FMN1: variants seen among roughly 807,000 people sequenced by gnomAD.
The protein encoded by FMN1 is formin 1.
Under a neutral mutation model 132.4 loss-of-function variants are expected in FMN1, and 110 were observed. That is an observed-to-expected ratio of 0.83 (90% CI 0.71 to 0.97). The LOEUF is 0.97. Ranked by LOEUF, FMN1 falls within the 50% of genes least tolerant of loss-of-function variation. The pLI, the probability that FMN1 is intolerant of heterozygous loss-of-function variation, is 0.00. For missense variants in FMN1, 1,792 were observed against 1,705.3 expected, an observed-to-expected ratio of 1.05 and a Z score of -0.90; for synonymous variants, 722 against 651.7, an observed-to-expected ratio of 1.11 and a Z score of -1.64.
chr15:33,128,151 A>C (rs1963291154), intron 4 of FMN1, among the ~76,000 whole-genome samples: 1 of 149,950 alleles, frequency 6.7e-6, no homozygotes, highest in Non-Finnish European at 1.5e-5. Context: ...AGAGTGTAAC[A>C]GAAGTAGGAT....
intron 16 of FMN1, among the ~76,000 whole-genome samples, chr15:32,878,140 G>C (rs969843409): frequency 6.6e-6 from 1 of 152,182 alleles, no homozygotes; most frequent in Non-Finnish European, 1.5e-5. Context: ...GGCCTATCTG[G>C]CAGAAGGGCT....
chr15:33,159,996 T>C (rs1964824502), intron 3 of FMN1, among the ~76,000 whole-genome samples: 1 of 151,746 alleles, frequency 6.6e-6, no homozygotes, highest in Non-Finnish European at 1.5e-5. Context: ...AGCCAAAGAG[T>C]TGGAGGGTTA....
chr15:32,805,120 C>T (rs1169693887), intron 17 of FMN1, among the ~76,000 whole-genome samples: 1 of 152,044 alleles, frequency 6.6e-6, no homozygotes, highest in Non-Finnish European at 1.5e-5. Flanking sequence ...AATTTACACT[C>T]CCAACAGTGT....
At chr15:32,827,374 G>A (rs1596023273) in intron 17 of FMN1, among the ~76,000 whole-genome samples, 1 of 152,016 alleles carries the variant, frequency 6.6e-6, no homozygotes, top group African/African-American at 2.4e-5. Flanking sequence ...TTTCACAAAT[G>A]GATTATTACC....
In FMN1 at chr15:33,106,914, A is replaced by G. The variant is rs193063103; in HGVS notation, c.1868-17940T>C. 2.2e-4 allele frequency among the ~76,000 whole-genome samples: 34 copies of G among 152,162 alleles called. No homozygotes were observed. In the East Asian group the frequency reaches 5.0e-3, roughly 22 times the overall value. On this transcript the variant is annotated intron_variant, in intron 4 of 20. Transcript: ENST00000616417. ...ATTCACTCCATCTGTCATCTCATTCAGTCTCAGTTTTAAATATCATCTCAG... is the reference window on the plus strand; with the variant it reads ...ATTCACTCCATCTGTCATCTCATTCGGTCTCAGTTTTAAATATCATCTCAG...
chr15:32,901,993 T>C lies in FMN1; in HGVS notation c.3425A>G (p.Gln1142Arg). 2 of 1,613,392 alleles carry C rather than the reference T, an allele frequency of 1.2e-6. No individual in the cohort carries two copies. Among genetic ancestry groups the C allele is most frequent in the Non-Finnish European group, 1.7e-6 (2 of 1,179,512 alleles). Reference sequence around the variant, plus strand: ...AAAGACAGATCTGAAGATTATGCACTGGGCACGTTCAGCAAAATTAGGAAT... The same window carrying C: ...AAAGACAGATCTGAAGATTATGCACCGGGCACGTTCAGCAAAATTAGGAAT... ...AQIPNFAERA[Q>R]CIIFRSVFSE... Residue 1142 changes from glutamine to arginine, a missense_variant, in exon 13 of 21, where the codon CAG (glutamine) becomes CGG (arginine). Gln to Arg is a conservative substitution (Grantham distance 43). This residue lies in a region of FMN1 where 1,150 missense variants were observed against 1,043.1 expected (regional missense o/e 1.10). Transcript: ENST00000616417.
rs761546481 is a variant in FMN1 at position 32,902,003 on chromosome 15, C to G, written c.3415G>C (p.Glu1139Gln). Residue 1139 changes from glutamate (E) to glutamine (Q), a missense_variant, in exon 13 of 21, where the codon GAA (glutamate) becomes CAA (glutamine). Physicochemically the swap from Glu to Gln is conservative, Grantham distance 29. Transcript: ENST00000616417. ...HELAQIPNFA[E>Q]RAQCIIFRSV... ...CTGAAGATTATGCACTGGGCACGTTCAGCAAAATTAGGAATCTGGGCTAAC... is the reference window on the plus strand; with the variant it reads ...CTGAAGATTATGCACTGGGCACGTTGAGCAAAATTAGGAATCTGGGCTAAC... 1.9e-6 allele frequency: 3 copies of G among 1,612,972 alleles called. No individual in the cohort carries two copies. In the African/African-American group the frequency reaches 4.0e-5, roughly 22 times the overall value.
At chr15:33,194,332 G>C (rs954221254) in intron 1 of FMN1, among the ~76,000 whole-genome samples, 1 of 129,034 alleles carries the variant, frequency 7.7e-6, no homozygotes, top group Admixed American at 9.7e-5. Context: ...GAGAGTCAAC[G>C]ACAGGAGTTC....
At chr15:32,984,426 T>G (rs1316086695) in intron 7 of FMN1, among the ~76,000 whole-genome samples, 2 of 152,178 alleles carry the variant, frequency 1.3e-5, no homozygotes, top group Non-Finnish European at 2.9e-5. Context: ...TCCATCAATA[T>G]AGTAAGCTGC....
At position 32,972,142 on chromosome 15, in the gene FMN1, G is replaced by C. The variant is rs577599759; in HGVS notation, c.2224-2665C>G. Among the ~76,000 whole-genome samples the C allele has an allele frequency of 4.6e-5, 7 of 152,292 alleles. No homozygotes were observed. The East Asian group carries it at 9.7e-4, about 21-fold the overall frequency. ...AATACAGAAGAGTGTTTGCAGCATAGTAAGTGCTATTTCAGTTTGCCGTCA... is the reference window on the plus strand; with the variant it reads ...AATACAGAAGAGTGTTTGCAGCATACTAAGTGCTATTTCAGTTTGCCGTCA... On this transcript the variant is annotated intron_variant, in intron 7 of 20. Coordinates refer to ENST00000616417, the MANE Select transcript of FMN1 (RefSeq NM_001277313.2).
At chr15:33,093,672 TG>T (rs1476211005) in intron 4 of FMN1, among the ~76,000 whole-genome samples, 1 of 152,112 alleles carries the variant, frequency 6.6e-6, no homozygotes, top group Non-Finnish European at 1.5e-5. Context: ...AACTCCTCAC[TG>T]GGAAGTATGT....
intron 9 of FMN1, among the ~76,000 whole-genome samples, chr15:32,960,324 G>T (rs1470673591): frequency 6.6e-6 from 1 of 152,068 alleles, no homozygotes; most frequent in African/African-American, 2.4e-5. Context: ...AACAGAAAGG[G>T]AAATCCACCC....
At chr15:33,081,901 G>C (rs999969207) in intron 5 of FMN1, among the ~76,000 whole-genome samples, 1 of 152,096 alleles carries the variant, frequency 6.6e-6, no homozygotes, top group African/African-American at 2.4e-5. Context: ...TACTTGGAAC[G>C]GGATGCTTTG....
intron 5 of FMN1, among the ~76,000 whole-genome samples, chr15:33,084,487 T>C (rs1451709380): frequency 6.6e-6 from 1 of 152,170 alleles, no homozygotes; most frequent in Non-Finnish European, 1.5e-5. Context: ...TTGTGGGATG[T>C]GGCTACAGTT....
intron 4 of FMN1, among the ~76,000 whole-genome samples, chr15:33,127,639 ACT>A (rs33919675): frequency 0.3 from 45,384 of 151,984 alleles, 7,353 homozygotes; most frequent in East Asian, 0.64. Flanking sequence ...TTCCAATCAA[ACT>A]CAGCACCATT....
intron 7 of FMN1, among the ~76,000 whole-genome samples, chr15:32,979,684 G>C (rs539928656): frequency 7.6e-4 from 115 of 151,844 alleles, no homozygotes; most frequent in African/African-American, 2.7e-3. Flanking sequence ...GAGTTTTACA[G>C]TGCTATTATT....
At position 32,777,540 on chromosome 15, in the gene FMN1, T is replaced by TTATATATTACGTATAACATATAACAC. The variant is rs2056471463; in HGVS notation, c.4131-647_4131-622dup. On this transcript the variant is annotated intron_variant, in intron 19 of 20. Transcript: ENST00000616417. ...TTATATATTACGTATAACATAACAT[T>TTATATATTACGTATAACATATAACAC]TATATATTACGTATAACATATAACA... Among the ~76,000 whole-genome samples the TTATATATTACGTATAACATATAACAC allele has an allele frequency of 4.8e-5, 7 of 146,782 alleles. 2 individuals are homozygous for TTATATATTACGTATAACATATAACAC. The highest frequency in any genetic ancestry group is 6.9e-5 in the Admixed American group (1 of 14,590).
At chr15:32,961,019 A>G (rs907570730) in intron 9 of FMN1, among the ~76,000 whole-genome samples, 2 of 136,748 alleles carry the variant, frequency 1.5e-5, no homozygotes, top group Non-Finnish European at 3.2e-5. Context: ...AAAAAAAAAA[A>G]GGCAGGGTTG....
At chr15:32,840,129 C>T (rs2058714351) in intron 17 of FMN1, among the ~76,000 whole-genome samples, 1 of 152,192 alleles carries the variant, frequency 6.6e-6, no homozygotes, top group Non-Finnish European at 1.5e-5. Flanking sequence ...GTGGGCGAAA[C>T]TCAGCACTCC....
Sources: allele counts gnomAD v4.1 joint callset (sites outside exome capture counted in the v4.1 genomes callset), GRCh38; gene constraint gnomAD v4.1.1; regional missense constraint gnomAD v4.1.1; transcripts MANE v1.5; gene names NCBI Gene and HGNC (gene_info 2026-07-23, HGNC 2026-07-21).